Variants in FAF1 observed in about 807,000 individuals in gnomAD.
FAF1 encodes the protein Fas associated factor 1, also known as FAS-associated factor 1.
Under a neutral mutation model 92.5 loss-of-function variants are expected in FAF1, and 25 were observed. The observed-to-expected ratio is 0.27, with a 90% CI of 0.20 to 0.38. FAF1 has a LOEUF of 0.38. Ranked by LOEUF, FAF1 falls within the 10% of genes least tolerant of loss-of-function variation. FAF1 has a pLI of 1.00. For missense variants in FAF1, 636 were observed against 793.3 expected, an observed-to-expected ratio of 0.80 and a Z score of 2.38; for synonymous variants, 234 against 273.2, an observed-to-expected ratio of 0.86 and a Z score of 1.42.
At chr1:50,573,613 T>C (rs1423915862) in intron 12 of FAF1, among the ~76,000 whole-genome samples, 5 of 152,106 alleles carry the variant, frequency 3.3e-5, no homozygotes, top group Non-Finnish European at 7.4e-5. Flanking sequence ...CTGAATGTGA[T>C]TTCAGAGACC....
intron 4 of FAF1, among the ~76,000 whole-genome samples, chr1:50,770,234 C>A (rs890280940): frequency 6.6e-6 from 1 of 152,110 alleles, no homozygotes; most frequent in Non-Finnish European, 1.5e-5. Context: ...TCAACATATA[C>A]AGCACTGGAA....
chr1:50,582,505 T>C (rs1468761066), intron 12 of FAF1, 113 bp downstream of exon 12: 4 of 699,070 alleles, frequency 5.7e-6, no homozygotes, highest in Non-Finnish European at 7.6e-6. Context: ...AAGAGTTCCA[T>C]GTTTTTGGAA....
intron 7 of FAF1, among the ~76,000 whole-genome samples, chr1:50,701,371 C>G (rs559170583): frequency 4.6e-5 from 7 of 150,920 alleles, no homozygotes; most frequent in African/African-American, 1.4e-4. Flanking sequence ...AACCCCAACC[C>G]TCCCCATACT....
intron 6 of FAF1, among the ~76,000 whole-genome samples, chr1:50,710,596 C>T (rs989144327): frequency 3.9e-5 from 6 of 151,988 alleles, no homozygotes; most frequent in South Asian, 2.1e-4. Context: ...ATGAATATTA[C>T]ATTTAAAAAC....
chr1:50,589,397 G>C (rs1651396087), intron 9 of FAF1, among the ~76,000 whole-genome samples: 1 of 152,128 alleles, frequency 6.6e-6, no homozygotes, highest in African/African-American at 2.4e-5. Flanking sequence ...GTGACTCCAG[G>C]TGGGGAAGGG....
Position 50,501,101 on chromosome 1 carries a change from G to A in FAF1, c.1495-9300C>T, listed in dbSNP as rs529439614. Among the ~76,000 whole-genome samples, 5 of 152,234 alleles carry A rather than the reference G, an allele frequency of 3.3e-5. 1 individual carries two copies. Among genetic ancestry groups the A allele is most frequent in the African/African-American group, 1.2e-4 (5 of 41,556 alleles). On this transcript the variant is annotated intron_variant, in intron 15 of 18. Coordinates refer to ENST00000396153, the MANE Select transcript of FAF1 (RefSeq NM_007051.3). The stretch of plus-strand genomic sequence containing the variant: ...TATTTATGAAAAAGAAAGTCATAGT[G>A]ACAAAACCATAGACTGAGAGAAAAA...
intron 7 of FAF1, among the ~76,000 whole-genome samples, chr1:50,677,211 G>A (rs972407888): frequency 6.6e-6 from 1 of 151,908 alleles, no homozygotes; most frequent in Non-Finnish European, 1.5e-5. Context: ...CTTTCAACTG[G>A]GCAAAAACTA....
chr1:50,612,511 C>T, intron 8 of FAF1: 1 of 984,754 alleles, frequency 1.0e-6, no homozygotes, highest in Non-Finnish European at 1.2e-6. Context: ...ATGAAGGGTA[C>T]CAACGAGCCA....
chr1:50,689,259 T>TAG (rs1656806056), intron 7 of FAF1, among the ~76,000 whole-genome samples: 1 of 152,052 alleles, frequency 6.6e-6, no homozygotes, highest in Non-Finnish European at 1.5e-5. Context: ...ACATAGCAAT[T>TAG]CTACTCCTAG....
At chr1:50,766,583 G>A (rs1382214993) in intron 4 of FAF1, among the ~76,000 whole-genome samples, 1 of 151,924 alleles carries the variant, frequency 6.6e-6, no homozygotes, top group Non-Finnish European at 1.5e-5. Flanking sequence ...AAGGCATTCA[G>A]AGTGGATGAA....
intron 1 of FAF1, among the ~76,000 whole-genome samples, chr1:50,892,995 G>C (rs1382263721): frequency 1.3e-5 from 2 of 152,052 alleles, no homozygotes; most frequent in Non-Finnish European, 2.9e-5. Context: ...ATGCATTCTT[G>C]AGTAGTTCAA....
At chr1:50,880,519 A>G (rs1486519496) in intron 1 of FAF1, among the ~76,000 whole-genome samples, 2 of 152,220 alleles carry the variant, frequency 1.3e-5, no homozygotes, top group Non-Finnish European at 2.9e-5. Context: ...TATAGATAGA[A>G]ATACTAGAGA....
At chr1:50,588,029 G>T (rs1424386881) in intron 9 of FAF1, among the ~76,000 whole-genome samples, 3 of 152,172 alleles carry the variant, frequency 2.0e-5, no homozygotes, top group Non-Finnish European at 4.4e-5. Flanking sequence ...GCTCATGCCT[G>T]TAATCCCAGC....
At chr1:50,499,970 C>T (rs1296098857) in intron 15 of FAF1, among the ~76,000 whole-genome samples, 4 of 152,086 alleles carry the variant, frequency 2.6e-5, no homozygotes, top group Non-Finnish European at 4.4e-5. Context: ...AAGATGCAAA[C>T]AATCTGTATG....
intron 6 of FAF1, among the ~76,000 whole-genome samples, chr1:50,735,557 A>G (rs1344863662): frequency 2.6e-5 from 4 of 152,200 alleles, no homozygotes; most frequent in Non-Finnish European, 5.9e-5. Flanking sequence ...CTCAATTACC[A>G]GGCACCCCCT....
intron 3 of FAF1, among the ~76,000 whole-genome samples, chr1:50,801,064 C>T (rs1013465046): frequency 3.9e-5 from 6 of 152,106 alleles, no homozygotes; most frequent in Admixed American, 3.9e-4. Context: ...TTCTCTTGGC[C>T]ACATCTTCCA....
At chr1:50,585,694 T>C (rs530906049) in intron 9 of FAF1, among the ~76,000 whole-genome samples, 33 of 152,208 alleles carry the variant, frequency 2.2e-4, no homozygotes, top group Admixed American at 2.0e-3. Flanking sequence ...TATTACTTAG[T>C]AAATAAAATT....
rs983973718 is a variant in FAF1 at position 50,959,976 on chromosome 1, G to A, written c.-165C>T. 1.0e-5 allele frequency: 4 copies of A among 392,038 alleles called. No homozygotes were observed. The highest frequency in any genetic ancestry group is 3.7e-5 in the East Asian group (1 of 26,712). 24.3% of individuals were successfully genotyped at this position (392,038 alleles called of 1,614,324 possible). On this transcript the variant is annotated 5_prime_UTR_variant, in exon 1 of 19. Coordinates refer to ENST00000396153, the MANE Select transcript of FAF1 (RefSeq NM_007051.3). ...CGGGCCAGCGGGCGGGGCAGCGCGG[G>A]AAGCGCTAGGCGCTCATGCACTCGG...
intron 15 of FAF1, among the ~76,000 whole-genome samples, chr1:50,499,322 A>G (rs2149014624): frequency 6.6e-6 from 1 of 151,066 alleles, no homozygotes; most frequent in South Asian, 2.1e-4. Context: ...TAGCAGGAAA[A>G]CATTTGATCT....
Sources: gnomAD v4.1 joint callset for allele counts (sites outside exome capture counted in the v4.1 genomes callset) on GRCh38, gnomAD v4.1.1 for gene constraint, MANE v1.5 for transcripts, NCBI Gene and HGNC (gene_info 2026-07-23, HGNC 2026-07-21) for gene names.